The following ZC3H3 variants were observed in gnomAD, a reference collection of about 807,000 sequenced individuals.
The protein encoded by ZC3H3 is zinc finger CCCH-type containing 3.
A neutral mutation model predicts 77.3 loss-of-function variants in ZC3H3; 36 were observed. That is an observed-to-expected ratio of 0.47 (90% confidence interval 0.36 to 0.61). The LOEUF is 0.61. Among genes scored for constraint, ZC3H3 ranks in the 20% least tolerant of loss-of-function variants. The probability of loss-of-function intolerance (pLI) is 0.00; values close to 1 mark genes in which losing one functional copy is unlikely to be tolerated. For synonymous variants in ZC3H3, 626 were observed against 555.2 expected (o/e 1.13, Z -1.79); for missense variants, 1,331 against 1,312.2 (o/e 1.01, Z -0.22).
intron 3 of ZC3H3, among the ~76,000 whole-genome samples, chr8:143,513,301 G>C (rs1187277903): frequency 6.6e-6 from 1 of 152,142 alleles, no homozygotes. Flanking sequence ...GACTGCTGAG[G>C]GGCAAAGGCA....
At chr8:143,524,707 C>T (rs35210845) in intron 3 of ZC3H3, among the ~76,000 whole-genome samples, 4,504 of 152,366 alleles carry the variant, frequency 0.03, 183 homozygotes, top group African/African-American at 0.097. Context: ...GAGTGAGCTG[C>T]GCTGCGCTGC....
intron 3 of ZC3H3, among the ~76,000 whole-genome samples, chr8:143,509,972 T>G (rs1428174420): frequency 6.6e-6 from 1 of 152,178 alleles, no homozygotes; most frequent in East Asian, 1.9e-4. Context: ...CAGCCCCGAC[T>G]GCACACAGGA....
chr8:143,515,462 G>A (rs1021768305), intron 3 of ZC3H3, among the ~76,000 whole-genome samples: 1 of 152,384 alleles, frequency 6.6e-6, no homozygotes, highest in Admixed American at 6.5e-5. Flanking sequence ...CCCTGCAGTT[G>A]TGCGGAAAAG....
chr8:143,531,105 G>T lies in ZC3H3; in HGVS notation c.1561+5152C>A, dbSNP rs547864630. The stretch of plus-strand genomic sequence containing the variant: ...CTCCCGAGTAGCTGGGACTACAGGC[G>T]TGTGCCACCATGCCCGGCTAATTCT... On this transcript the variant is annotated intron_variant, in intron 3 of 11. Transcript: ENST00000262577. 1.4e-4 allele frequency among the ~76,000 whole-genome samples: 21 copies of T among 152,138 alleles called. No homozygotes were observed. The East Asian group carries it at 3.9e-3, about 28-fold the overall frequency.
rs35718186 is a variant in ZC3H3, at chr8:143,514,600, C to T, written c.1562-6701G>A. Among the ~76,000 whole-genome samples the T allele has an allele frequency of 8.8e-3, 1,345 of 152,334 alleles. 12 individuals are homozygous for T. Among genetic ancestry groups the T allele is most frequent in the African/African-American group, 0.031 (1,272 of 41,572 alleles). On this transcript the variant is annotated intron_variant, in intron 3 of 11. Transcript: ENST00000262577. The stretch of plus-strand genomic sequence containing the variant: ...TGGCTCTCGCCCCTAGCAGCCAGGA[C>T]GGGGCCGGGTTGCTCACCCCACAAA...
intron 3 of ZC3H3, among the ~76,000 whole-genome samples, chr8:143,514,314 C>T (rs1002850547): frequency 2.0e-5 from 3 of 152,274 alleles, no homozygotes; most frequent in South Asian, 4.1e-4. Context: ...CACTCCCACC[C>T]GGGCTGCCAC....
rs753351722 is a variant in ZC3H3 at position 143,541,441 on chromosome 8, C to G, written c.-20G>C. The G allele has an allele frequency of 6.2e-7, 1 of 1,611,340 alleles. No individual in the cohort carries two copies. Among genetic ancestry groups the G allele is most frequent in the South Asian group, 1.1e-5 (1 of 90,842 alleles). ...CTCCATCTCCCGAGTCCGCGACGGC[C>G]GGCCAGGCCCCCACGACGTCATCGC... On this transcript the variant is annotated 5_prime_UTR_variant, in exon 1 of 12. Coordinates refer to ENST00000262577, the MANE Select transcript of ZC3H3 (RefSeq NM_015117.3).
At chr8:143,473,360 A>G (rs918779341) in intron 5 of ZC3H3, among the ~76,000 whole-genome samples, 4 of 151,944 alleles carry the variant, frequency 2.6e-5, no homozygotes, top group African/African-American at 4.8e-5. Context: ...GGCCTCCCTG[A>G]CCACCTGACT....
At chr8:143,513,001 A>T (rs1209533178) in intron 3 of ZC3H3, among the ~76,000 whole-genome samples, 1 of 149,924 alleles carries the variant, frequency 6.7e-6, no homozygotes, top group Non-Finnish European at 1.5e-5. Context: ...GCGCCAGAGG[A>T]GTCGGGGCTG....
In ZC3H3 at chr8:143,533,127, G is replaced by A. The variant is rs1247998194; in HGVS notation, c.1561+3130C>T. On this transcript the variant is annotated intron_variant, in intron 3 of 11. Transcript: ENST00000262577. The surrounding 1 kb of genome is among the most constrained non-coding windows in gnomAD (Gnocchi z 4.0). ...CCCTGTCCCTCCCTGGCTTCCCAAC[G>A]TAACCAGAACCAACCCCCCGTTCCC... Among the ~76,000 whole-genome samples the A allele has an allele frequency of 3.9e-5, 6 of 151,986 alleles. No individual in the cohort carries two copies. Among genetic ancestry groups the A allele is most frequent in the Admixed American group, 2.0e-4 (3 of 15,254 alleles).
chr8:143,478,981 T>C (rs1046098776), intron 4 of ZC3H3, among the ~76,000 whole-genome samples: 1 of 152,220 alleles, frequency 6.6e-6, no homozygotes, highest in Non-Finnish European at 1.5e-5. Context: ...GCGCCCGCTC[T>C]TCATGCTTGG....
chr8:143,526,481 G>A (rs547426420), intron 3 of ZC3H3, among the ~76,000 whole-genome samples: 114 of 152,318 alleles, frequency 7.5e-4, no homozygotes, highest in Middle Eastern at 3.4e-3. Flanking sequence ...CGCCCAGCAC[G>A]CGATTGGACT....
At chr8:143,473,133 T>C (rs941500968) in intron 5 of ZC3H3, among the ~76,000 whole-genome samples, 12 of 152,180 alleles carry the variant, frequency 7.9e-5, no homozygotes, top group African/African-American at 2.7e-4. Context: ...TCAGTACTAC[T>C]ATCGTGACTA....
intron 4 of ZC3H3, among the ~76,000 whole-genome samples, chr8:143,481,489 C>T (rs192511233): frequency 6.6e-6 from 1 of 152,298 alleles, no homozygotes; most frequent in Non-Finnish European, 1.5e-5. Flanking sequence ...GCGGGAGAGG[C>T]GAGGCCAGCA....
chr8:143,483,143 C>G (rs1054717726), intron 4 of ZC3H3, among the ~76,000 whole-genome samples: 1 of 152,350 alleles, frequency 6.6e-6, no homozygotes, highest in South Asian at 2.1e-4. Flanking sequence ...AGAGGAGCGG[C>G]CGGGGGGAGG....
intron 9 of ZC3H3, among the ~76,000 whole-genome samples, chr8:143,445,124 G>A (rs1199404240): frequency 6.6e-6 from 1 of 152,186 alleles, no homozygotes; most frequent in Non-Finnish European, 1.5e-5. Context: ...GCTCATGCCT[G>A]TAATCCCAAC....
chr8:143,518,424 C>A (rs1269478798), intron 3 of ZC3H3, among the ~76,000 whole-genome samples: 1 of 152,238 alleles, frequency 6.6e-6, no homozygotes, highest in Admixed American at 6.5e-5. Flanking sequence ...GAGCATAGCC[C>A]AAGAAAGACT....
rs78000886 is a variant in ZC3H3, at chr8:143,481,591, G to A, written c.1716-6006C>T. Among the ~76,000 whole-genome samples, 1,194 of 152,336 alleles carry A rather than the reference G, an allele frequency of 7.8e-3. 12 individuals are homozygous for A. Among genetic ancestry groups the A allele is most frequent in the African/African-American group, 0.027 (1,131 of 41,578 alleles). ...TGAAGATTTCTTCCTGCCAAGCGCC[G>A]CCACACGGTGGAGCCGGCGAGGGGA... On this transcript the variant is annotated intron_variant, in intron 4 of 11. Coordinates refer to ENST00000262577, the MANE Select transcript of ZC3H3 (RefSeq NM_015117.3).
At chr8:143,474,825 G>A (rs1311083993) in intron 5 of ZC3H3, among the ~76,000 whole-genome samples, 1 of 152,224 alleles carries the variant, frequency 6.6e-6, no homozygotes, top group Non-Finnish European at 1.5e-5. Flanking sequence ...CTTCTCCTGA[G>A]CCTGTTTCCC....
Sources: gnomAD v4.1 joint callset for allele counts (sites outside exome capture counted in the v4.1 genomes callset) on GRCh38, gnomAD v4.1.1 for gene constraint, Gnocchi (gnomAD v3.1) non-coding constraint, MANE v1.5 for transcripts, NCBI Gene and HGNC (gene_info 2026-07-23, HGNC 2026-07-21) for gene names.